Variants in DDR1 observed in about 807,000 individuals in gnomAD.
DDR1 encodes the protein discoidin domain receptor tyrosine kinase 1.
A neutral mutation model predicts 97.4 loss-of-function variants in DDR1; 64 were observed. The ratio of observed to expected loss-of-function variants is 0.66; its 90% CI spans 0.54 to 0.81. DDR1 has a LOEUF of 0.81. Ranked by LOEUF, DDR1 falls within the 30% of genes least tolerant of loss-of-function variation. The pLI is 0.00. For missense variants in DDR1, 990 were observed against 1,259.6 expected (o/e 0.79, Z 3.24); for synonymous variants, 458 against 503.7 (o/e 0.91, Z 1.21).
At position 30,897,309 on chromosome 6, in the gene DDR1, G is replaced by C; in HGVS notation, c.1998-70G>C. ...CTGGTCTGCCTGAGGTGGGGCAGGG[G>C]GGTGGGGGCGCGGGGGAAGGTGCAG... is the stretch of plus-strand genomic sequence containing the variant. On this transcript the variant is annotated intron_variant, in intron 14 of 17. Transcript: ENST00000376568. This position sits in a 1 kb window ranked among gnomAD's most constrained non-coding sequence, Gnocchi z 5.2. The C allele has an allele frequency of 6.7e-7, 1 of 1,485,854 alleles. No individual in the cohort carries two copies. Among genetic ancestry groups the C allele is most frequent in the African/African-American group, 1.4e-5 (1 of 71,920 alleles). The allele number at this position is 1,485,854 out of a possible 1,614,324, so 92.0% of individuals were successfully genotyped here. A position where few individuals can be genotyped will look rare whatever the true frequency, so the allele number is the denominator to read the frequency against.
chr6:30,883,417 C>G (rs9380200), upstream of DDR1: 39,922 of 152,566 alleles, frequency 0.26, 6,193 homozygotes, highest in East Asian at 0.61. This position sits in a 1 kb window ranked among gnomAD's most constrained non-coding sequence, Gnocchi z 4.9. Flanking sequence ...TGTTCTGTCC[C>G]GCTCCATCCT....
At position 30,884,912 on chromosome 6, in the gene DDR1, A is replaced by G; in HGVS notation, c.-43+202A>G. On this transcript the variant is annotated intron_variant, in intron 1 of 17. Transcript: ENST00000376568. This position sits in a 1 kb window ranked among gnomAD's most constrained non-coding sequence, Gnocchi z 6.1. ...AAAACCGGGGGCGGGGACTGGGTGG[A>G]GGTGAAGCCCGTGACCTCCCAGAAA... 1 of 401,504 alleles carries G rather than the reference A, an allele frequency of 2.5e-6. No homozygotes were observed. Among genetic ancestry groups the G allele is most frequent in the South Asian group, 9.0e-5 (1 of 11,156 alleles). The allele number at this position is 401,504 out of a possible 1,614,324, so 24.9% of individuals were successfully genotyped here.
In DDR1 at chr6:30,888,818, A is replaced by G; in HGVS notation, c.85+4A>G. The G allele has an allele frequency of 6.2e-7, 1 of 1,612,938 alleles. No individual in the cohort carries two copies. The highest frequency in any genetic ancestry group is 8.5e-7 in the Non-Finnish European group (1 of 1,179,996). On this transcript the variant is annotated splice_donor_region_variant and intron_variant, in intron 2 of 17. Transcript: ENST00000376568. The surrounding 1 kb of genome is among the most constrained non-coding windows in gnomAD (Gnocchi z 4.2). ...ATGAAGGGACATTTTGATCCTGGTG[A>G]GGAGACTGAATCATGGGTCCCTGAG...
intron 10 of DDR1, 74 bp downstream of exon 10, chr6:30,893,497 T>C: frequency 6.5e-7 from 1 of 1,528,424 alleles, no homozygotes; most frequent in South Asian, 1.2e-5. Context: ...CAGTGGGACC[T>C]GCAGGGCACA....
chr6:30,895,989 C>T (rs1326724764), intron 12 of DDR1, among the ~76,000 whole-genome samples: 1 of 152,096 alleles, frequency 6.6e-6, no homozygotes, highest in Admixed American at 6.5e-5. Context: ...GTTGCCTTCT[C>T]ATTGTGGCCC....
At position 30,896,612 on chromosome 6, in the gene DDR1, C is replaced by A. The variant is rs766382561; in HGVS notation, c.1625-9C>A. 1 of 1,611,910 alleles carries A rather than the reference C, an allele frequency of 6.2e-7. No homozygotes were observed. The highest frequency in any genetic ancestry group is 1.1e-5 in the South Asian group (1 of 90,808). Reference sequence around the variant, plus strand: ...CCTCGTCCTGTCTTCTTTCCCCTCACCCCTGCAGCCTACAGTGGGGACTAT... The same window carrying A: ...CCTCGTCCTGTCTTCTTTCCCCTCAACCCTGCAGCCTACAGTGGGGACTAT... On this transcript the variant is annotated splice_polypyrimidine_tract_variant and intron_variant, in intron 12 of 17. Transcript: ENST00000376568.
Position 30,898,198 on chromosome 6 carries a change from A to G in DDR1, c.2342A>G (p.Lys781Arg), listed in dbSNP as rs1791651750. Reference sequence around the variant, plus strand: ...CTAGTTGGGGAAAATTTCACCATCAAAATCGCAGACTTTGGCATGAGCCGG... The same window carrying G: ...CTAGTTGGGGAAAATTTCACCATCAGAATCGCAGACTTTGGCATGAGCCGG... The part of the protein sequence containing the change: ...NCLVGENFTI[K>R]IADFGMSRNL... The change falls in exon 16 of 18, where the codon AAA becomes AGA. Residue 781 changes from lysine to arginine, a missense_variant. By Grantham distance (26) the Lys-to-Arg change is conservative (BLOSUM62 2). Transcript: ENST00000376568. 5.0e-6 allele frequency: 8 copies of G among 1,614,260 alleles called. No individual in the cohort carries two copies. Among genetic ancestry groups the G allele is most frequent in the Non-Finnish European group, 4.2e-6 (5 of 1,180,050 alleles).
In DDR1 at chr6:30,897,986, C is replaced by G; in HGVS notation, c.2217-87C>G. 1.9e-6 allele frequency: 2 copies of G among 1,039,664 alleles called. No homozygotes were observed. Among genetic ancestry groups the G allele is most frequent in the Non-Finnish European group, 2.9e-6 (2 of 693,552 alleles). 64.4% of individuals were successfully genotyped at this position (1,039,664 alleles called of 1,614,324 possible). A position where few individuals can be genotyped will look rare whatever the true frequency, so the allele number is the denominator to read the frequency against. On this transcript the variant is annotated intron_variant, in intron 15 of 17. Coordinates refer to ENST00000376568, the MANE Select transcript of DDR1 (RefSeq NM_001297654.2). The surrounding 1 kb of genome is among the most constrained non-coding windows in gnomAD (Gnocchi z 5.2). The stretch of plus-strand genomic sequence containing the variant: ...CCTCCACATGGGGAGCCAGAGTGAC[C>G]GGGCCCGGGGAGTGGGCTCTCTCTC...
Position 30,897,557 on chromosome 6 carries a change from G to C in DDR1, c.2176G>C (p.Ala726Pro). 2 of 1,613,586 alleles carry C rather than the reference G, an allele frequency of 1.2e-6. No individual in the cohort carries two copies. The highest frequency in any genetic ancestry group is 8.5e-7 in the Non-Finnish European group (1 of 1,179,998). ...GCTGGAGGACAAGGCAGCCGAGGGG[G>C]CCCCTGGGGACGGGCAGGCTGCGCA... The part of the protein sequence containing the change: ...HQLEDKAAEG[A>P]PGDGQAAQGP... The change falls in exon 15 of 18, where the codon GCC (alanine) becomes CCC (proline). Residue 726 changes from alanine (A) to proline (P), a missense_variant. Physicochemically the swap from Ala to Pro is conservative, Grantham distance 27 (BLOSUM62 -1). Coordinates refer to ENST00000376568, the MANE Select transcript of DDR1 (RefSeq NM_001297654.2). The surrounding 1 kb of genome is among the most constrained non-coding windows in gnomAD (Gnocchi z 5.2).
At chr6:30,898,328 C>G in intron 16 of DDR1, 21 bp downstream of exon 16, 1 of 1,575,402 alleles carries the variant, frequency 6.3e-7, no homozygotes, top group Non-Finnish European at 8.7e-7. Context: ...CGAGGACAGC[C>G]AGGTTGGAGC....
rs1785810184 is a variant in DDR1, at chr6:30,886,267, T to C, written c.-43+1557T>C. Among the ~76,000 whole-genome samples, 1 of 152,096 alleles carries C rather than the reference T, an allele frequency of 6.6e-6. No individual in the cohort carries two copies. Among genetic ancestry groups the C allele is most frequent in the African/African-American group, 2.4e-5 (1 of 41,406 alleles). On this transcript the variant is annotated intron_variant, in intron 1 of 17. Transcript: ENST00000376568. This position sits in a 1 kb window ranked among gnomAD's most constrained non-coding sequence, Gnocchi z 4.6. ...TGTGGCTCTGATGACTCATCTGGGATAGGCATGAAGGTTACTTAGGGGAAC... is the reference window on the plus strand; with the variant it reads ...TGTGGCTCTGATGACTCATCTGGGACAGGCATGAAGGTTACTTAGGGGAAC...
At chr6:30,893,476 G>A (rs1439803825) in intron 10 of DDR1, 53 bp downstream of exon 10, 7 of 1,556,706 alleles carry the variant, frequency 4.5e-6, no homozygotes, top group African/African-American at 1.4e-5. Flanking sequence ...GCCCCAGCAC[G>A]AGCCAGCGTC....
intron 1 of DDR1, chr6:30,885,518 TG>T: frequency 7.9e-7 from 1 of 1,265,234 alleles, no homozygotes; most frequent in Non-Finnish European, 1.1e-6. Context: ...TGTTAGAGGC[TG>T]GGCCCCAGTT....
rs1350008160 is a variant in DDR1 at position 30,889,167 on chromosome 6, G to A, written c.189-35G>A. ...ATACTGGAGATGGAGGCAGACCTGG[G>A]GCCAGATGTTCTCTGTGCCCCTCTT... On this transcript the variant is annotated intron_variant, in intron 3 of 17. Transcript: ENST00000376568. This position sits in a 1 kb window ranked among gnomAD's most constrained non-coding sequence, Gnocchi z 4.9. The A allele has an allele frequency of 3.1e-6, 5 of 1,608,304 alleles. No homozygotes were observed. Among genetic ancestry groups the A allele is most frequent in the Non-Finnish European group, 4.3e-6 (5 of 1,176,104 alleles).
chr6:30,891,247 C>T lies in DDR1; in HGVS notation c.565+127C>T. On this transcript the variant is annotated intron_variant, in intron 5 of 17. Transcript: ENST00000376568. The surrounding 1 kb of genome is among the most constrained non-coding windows in gnomAD (Gnocchi z 5.3). Reference sequence around the variant, plus strand: ...CTGTCACTCTGAGGAGGGGGCTAGCCAGCATTGTCTCCTCCATGCCAATGA... The same window carrying T: ...CTGTCACTCTGAGGAGGGGGCTAGCTAGCATTGTCTCCTCCATGCCAATGA... The T allele has an allele frequency of 6.8e-7, 1 of 1,468,002 alleles. No homozygotes were observed. The highest frequency in any genetic ancestry group is 9.3e-7 in the Non-Finnish European group (1 of 1,072,758). 90.9% of individuals were successfully genotyped at this position (1,468,002 alleles called of 1,614,324 possible).
chr6:30,895,774 A>G (rs1790534799), intron 12 of DDR1, among the ~76,000 whole-genome samples: 1 of 152,016 alleles, frequency 6.6e-6, no homozygotes, highest in Non-Finnish European at 1.5e-5. Flanking sequence ...CCATCTCTTC[A>G]GCTCTCCAGA....
At position 30,889,357 on chromosome 6, in the gene DDR1, C is replaced by T; in HGVS notation, c.344C>T (p.Ser115Phe). 1 of 1,609,666 alleles carries T rather than the reference C, an allele frequency of 6.2e-7. No homozygotes were observed. The highest frequency in any genetic ancestry group is 8.5e-7 in the Non-Finnish European group (1 of 1,178,264). Reference sequence around the variant, plus strand: ...GCCGGGGGCCTGGGCAAGGAGTTCTCCCGGAGCTACCGGCTGCGTTACTCC... The same window carrying T: ...GCCGGGGGCCTGGGCAAGGAGTTCTTCCGGAGCTACCGGCTGCGTTACTCC... ...RHAGGLGKEF[S>F]RSYRLRYSRD... is the part of the protein sequence containing the mutation. The change falls in exon 4 of 18, where the codon TCC becomes TTC. Residue 115 changes from serine to phenylalanine, a missense_variant. By Grantham distance (155) the Ser-to-Phe change is radical. Transcript: ENST00000376568. This position sits in a 1 kb window ranked among gnomAD's most constrained non-coding sequence, Gnocchi z 4.9.
In DDR1 at chr6:30,890,755, G is replaced by A; in HGVS notation, c.418-218G>A. 1 of 500,278 alleles carries A rather than the reference G, an allele frequency of 2.0e-6. No homozygotes were observed. Among genetic ancestry groups the A allele is most frequent in the South Asian group, 3.9e-5 (1 of 25,968 alleles). The allele number at this position is 500,278 out of a possible 1,614,324, so 31.0% of individuals were successfully genotyped here. A position where few individuals can be genotyped will look rare whatever the true frequency, so the allele number is the denominator to read the frequency against. On this transcript the variant is annotated intron_variant, in intron 4 of 17. Coordinates refer to ENST00000376568, the MANE Select transcript of DDR1 (RefSeq NM_001297654.2). The surrounding 1 kb of genome is among the most constrained non-coding windows in gnomAD (Gnocchi z 5.0). ...AAGAGGGCAGCTGAGCCTGAAGTCT[G>A]AGGATGGAACATCAGAGCTGCGACA...
chr6:30,891,462 C>T lies in DDR1; in HGVS notation c.648C>T (p.Asp216=), dbSNP rs140800253. The T allele has an allele frequency of 7.4e-5, 119 of 1,612,446 alleles. No individual in the cohort carries two copies. Among genetic ancestry groups the T allele is most frequent in the Non-Finnish European group, 9.2e-5 (108 of 1,179,884 alleles). The change falls in exon 6 of 18, where the codon GAC becomes GAT. Residue 216 remains aspartate, a synonymous_variant. Transcript: ENST00000376568. The surrounding 1 kb of genome is among the most constrained non-coding windows in gnomAD (Gnocchi z 5.3). ...TGTACCTCAACGACTCCACCTATGACGGACATACCGTGGGCGGGTAAGAAA... is the reference window on the plus strand; with the variant it reads ...TGTACCTCAACGACTCCACCTATGATGGACATACCGTGGGCGGGTAAGAAA... The part of the protein sequence containing the change: ...EAVYLNDSTY[D]GHTVGGLQYG...
Sources: allele counts gnomAD v4.1 joint callset (sites outside exome capture counted in the v4.1 genomes callset), GRCh38; gene constraint gnomAD v4.1.1; non-coding constraint Gnocchi (gnomAD v3.1); transcripts MANE v1.5; gene names NCBI Gene and HGNC (gene_info 2026-07-23, HGNC 2026-07-21).